Variants in LRPPRC observed in about 807,000 individuals in gnomAD.
LRPPRC encodes leucine rich pentatricopeptide repeat containing, also known as leucine-rich PPR motif-containing protein, mitochondrial.
A neutral mutation model predicts 180.3 loss-of-function variants in LRPPRC; 120 were observed. That is an observed-to-expected ratio of 0.67 (90% CI 0.57 to 0.77). LRPPRC has a LOEUF of 0.77. Ranked by LOEUF, LRPPRC falls within the 30% of genes least tolerant of loss-of-function variation. LRPPRC has a pLI of 0.00. For missense variants in LRPPRC, 2,012 were observed against 1,657.2 expected (o/e 1.21, Z -3.72); for synonymous variants, 723 against 600.0 (o/e 1.21, Z -3.00).
chr2:43,921,680 A>G (rs1671705395), intron 27 of LRPPRC, among the ~76,000 whole-genome samples: 1 of 152,192 alleles, frequency 6.6e-6, no homozygotes, highest in Non-Finnish European at 1.5e-5. Flanking sequence ...TGGTGGACAC[A>G]ATGACATTTT....
intron 2 of LRPPRC, among the ~76,000 whole-genome samples, chr2:43,980,192 A>G (rs1296840758): frequency 6.6e-6 from 1 of 152,186 alleles, no homozygotes; most frequent in African/African-American, 2.4e-5. Flanking sequence ...GCAAAACTCT[A>G]TCAAATACAA....
At chr2:43,947,591 G>C (rs972914695) in intron 19 of LRPPRC, 140 bp downstream of exon 19, 5 of 676,478 alleles carry the variant, frequency 7.4e-6, no homozygotes, top group Non-Finnish European at 1.1e-5. Context: ...TCTGAGGTGG[G>C]GAACAGGTTT....
intron 25 of LRPPRC, among the ~76,000 whole-genome samples, chr2:43,929,715 G>T (rs907597387): frequency 6.6e-6 from 1 of 152,036 alleles, no homozygotes; most frequent in Non-Finnish European, 1.5e-5. Context: ...AGGTCTCATG[G>T]TACTATTAAG....
chr2:43,944,343 C>T (rs2105078713), intron 22 of LRPPRC, among the ~76,000 whole-genome samples: 1 of 152,160 alleles, frequency 6.6e-6, no homozygotes, highest in South Asian at 2.1e-4. Flanking sequence ...TATGTCGATA[C>T]TAATTAGCCA....
At chr2:43,980,061 G>A (rs1344197583) in intron 2 of LRPPRC, 113 bp from the exon 3 acceptor site, 4 of 997,264 alleles carry the variant, frequency 4.0e-6, no homozygotes, top group Non-Finnish European at 6.2e-6. Context: ...GGCTCAAACT[G>A]AGAGTAACCA....
intron 20 of LRPPRC, among the ~76,000 whole-genome samples, chr2:43,946,651 A>G (rs781639726): frequency 2.0e-5 from 3 of 152,096 alleles, no homozygotes; most frequent in Non-Finnish European, 4.4e-5. Flanking sequence ...ATGAAGAAAT[A>G]TTTTAGAATT....
At chr2:43,948,579 G>C (rs1389588947) in intron 16 of LRPPRC, 61 bp from the exon 17 acceptor site, 1 of 862,710 alleles carries the variant, frequency 1.2e-6, no homozygotes, top group Non-Finnish European at 2.0e-6. Context: ...ATGTTATCAA[G>C]ATTAATTTAT....
At chr2:43,996,139 C>CATAAACGATG, upstream of LRPPRC, 3 of 545,346 alleles carry the variant, frequency 5.5e-6, no homozygotes, top group Admixed American at 1.1e-4. Flanking sequence ...GTAATATTTA[C>CATAAACGATG]ATAAACGATG....
Position 43,960,647 on chromosome 2 carries a change from C to G in LRPPRC, c.1489-13G>C. 1 of 1,310,704 alleles carries G rather than the reference C, an allele frequency of 7.6e-7. No homozygotes were observed. The highest frequency in any genetic ancestry group is 1.1e-6 in the Non-Finnish European group (1 of 906,234). 81.2% of individuals were successfully genotyped at this position (1,310,704 alleles called of 1,614,324 possible). On this transcript the variant is annotated splice_polypyrimidine_tract_variant and intron_variant, in intron 12 of 37. Transcript: ENST00000260665. The stretch of plus-strand genomic sequence containing the variant: ...GACATCCATTTTCCTGGAGATAAAG[C>G]ATATATCAATGAGAATACATCTCAG...
intron 13 of LRPPRC, among the ~76,000 whole-genome samples, chr2:43,958,139 C>T (rs1261780460): frequency 6.6e-6 from 1 of 152,206 alleles, no homozygotes; most frequent in Non-Finnish European, 1.5e-5. Context: ...ACACCTTACA[C>T]TGACTCTTCA....
chr2:43,931,350 A>C (rs1324013985), intron 25 of LRPPRC, among the ~76,000 whole-genome samples: 2 of 152,210 alleles, frequency 1.3e-5, no homozygotes, highest in Non-Finnish European at 2.9e-5. Flanking sequence ...ACCTCTACAC[A>C]GTAAAGAATG....
intron 27 of LRPPRC, among the ~76,000 whole-genome samples, chr2:43,918,794 TATATATATATATATAG>T (rs1558938154): frequency 0.13 from 3,822 of 30,094 alleles, 174 homozygotes; most frequent in African/African-American, 0.45. Flanking sequence ...TATATATAGA[TATATATATATATATAG>T]ATATATATAT....
At chr2:43,933,070 A>T (rs1401135624) in intron 25 of LRPPRC, among the ~76,000 whole-genome samples, 6 of 152,096 alleles carry the variant, frequency 3.9e-5, no homozygotes, top group Admixed American at 2.6e-4. Flanking sequence ...AAATTATACC[A>T]TTTTCTAGAA....
At chr2:43,952,180 C>A (rs1239555657) in intron 14 of LRPPRC, among the ~76,000 whole-genome samples, 2 of 151,142 alleles carry the variant, frequency 1.3e-5, no homozygotes, top group Non-Finnish European at 2.9e-5. Flanking sequence ...GCAACAAGAG[C>A]GAAATTCCGT....
chr2:43,949,208 T>C lies in LRPPRC; in HGVS notation c.1735+394A>G, dbSNP rs549811642. ...TGAAAATCATTAAATGTCAAAACAA[T>C]GTATTTGGGGCAATAAATTACATTT... On this transcript the variant is annotated intron_variant, in intron 16 of 37. Coordinates refer to ENST00000260665, the MANE Select transcript of LRPPRC (RefSeq NM_133259.4). 3.9e-5 allele frequency among the ~76,000 whole-genome samples: 6 copies of C among 152,270 alleles called. No homozygotes were observed. The East Asian group carries it at 1.2e-3, about 29-fold the overall frequency.
At position 43,946,156 on chromosome 2, in the gene LRPPRC, G is replaced by A. The variant is rs1022152551; in HGVS notation, c.2167C>T (p.Arg723Ter). 10 of 1,611,842 alleles carry A rather than the reference G, an allele frequency of 6.2e-6. No homozygotes were observed. The highest frequency in any genetic ancestry group is 8.5e-6 in the Non-Finnish European group (10 of 1,178,264). Residue 723 changes from arginine to a stop codon, truncating the protein, a stop_gained, in exon 21 of 38, where the codon CGA becomes TGA. Coordinates refer to ENST00000260665, the MANE Select transcript of LRPPRC (RefSeq NM_133259.4). LOFTEE classifies it high-confidence loss of function. Reference sequence around the variant, plus strand: ...AAGGCATCTTCTACTTTATCATGTCGACAGCATAAATTTATTAAAGCTGCA... The same window carrying A: ...AAGGCATCTTCTACTTTATCATGTCAACAGCATAAATTTATTAAAGCTGCA... ...GYAALINLCCRHDKVEDALNL... is the reference protein window; with the variant it reads ...GYAALINLCC
intron 29 of LRPPRC, among the ~76,000 whole-genome samples, chr2:43,913,581 A>C (rs1261468129): frequency 6.6e-6 from 1 of 152,208 alleles, no homozygotes; most frequent in African/African-American, 2.4e-5. Flanking sequence ...TGGCACTGTC[A>C]AAGAAATATT....
intron 1 of LRPPRC, among the ~76,000 whole-genome samples, chr2:43,986,747 G>A (rs1239934399): frequency 6.6e-6 from 1 of 152,112 alleles, no homozygotes; most frequent in Non-Finnish European, 1.5e-5. Flanking sequence ...CGTGGCAAAA[G>A]GGCATTGAAG....
intron 36 of LRPPRC, 123 bp from the exon 37 acceptor site, chr2:43,889,999 C>T (rs1670428955): frequency 1.4e-6 from 1 of 693,870 alleles, no homozygotes; most frequent in Non-Finnish European, 2.6e-6. Context: ...CACTTAACTA[C>T]TTTCAGTAAG....
Sources: allele counts gnomAD v4.1 joint callset (sites outside exome capture counted in the v4.1 genomes callset), GRCh38; gene constraint gnomAD v4.1.1; transcripts MANE v1.5; gene names NCBI Gene and HGNC (gene_info 2026-07-23, HGNC 2026-07-21).